Variants in MAF observed in about 807,000 individuals in gnomAD.
The protein encoded by MAF is MAF bZIP transcription factor.
A neutral mutation model predicts 22.0 loss-of-function variants in MAF; 10 were observed. That is an observed-to-expected ratio of 0.45 (90% CI 0.28 to 0.77). The LOEUF (loss-of-function observed/expected upper bound fraction) is 0.77, where lower values mean the gene tolerates loss of function less well. Among genes scored for constraint, MAF ranks in the 30% least tolerant of loss-of-function variants. MAF has a pLI of 0.12. For missense variants in MAF, 544 were observed against 548.4 expected (o/e 0.99, Z 0.08); for synonymous variants, 337 against 255.8 (o/e 1.32, Z -3.03).
At chr16:79,497,077 G>C in the MAF span, among the ~76,000 whole-genome samples, 7 of 152,228 alleles carry the variant, frequency 4.6e-5, no homozygotes, top group African/African-American at 1.4e-4. Context: ...ACTCTCTTAA[G>C]TCATTTAGTG....
chr16:79,352,050 A>C, the MAF span, among the ~76,000 whole-genome samples: 1 of 152,162 alleles, frequency 6.6e-6, no homozygotes, highest in Non-Finnish European at 1.5e-5. Context: ...TGGGCTGCCC[A>C]GAAAGGATCT....
chr16:79,579,177 T>G, the MAF span, among the ~76,000 whole-genome samples: 3 of 152,206 alleles, frequency 2.0e-5, no homozygotes, highest in Non-Finnish European at 4.4e-5. Context: ...GACTCTTTGA[T>G]GCAAAAATAA....
the MAF span, among the ~76,000 whole-genome samples, chr16:79,537,755 A>G: frequency 0.82 from 124,284 of 152,080 alleles, 51,310 homozygotes; most frequent in Non-Finnish European, 0.88. Context: ...CTGGGTGCCA[A>G]TGAGACAGCT....
At chr16:79,517,458 AAAC>A in the MAF span, among the ~76,000 whole-genome samples, 41 of 152,346 alleles carry the variant, frequency 2.7e-4, 1 homozygote, top group East Asian at 7.5e-3. Flanking sequence ...TCAATAATTT[AAAC>A]AACAAATAAA....
the MAF span, among the ~76,000 whole-genome samples, chr16:79,314,381 C>T: frequency 0.15 from 22,097 of 152,086 alleles, 2,179 homozygotes; most frequent in East Asian, 0.34. Flanking sequence ...ATGGCTGAAA[C>T]GCTCCCAGGG....
chr16:79,445,901 A>G, the MAF span, among the ~76,000 whole-genome samples: 69 of 152,276 alleles, frequency 4.5e-4, no homozygotes, highest in Admixed American at 2.1e-3. Flanking sequence ...CATTCTTTTG[A>G]GCAGACCATC....
At chr16:79,291,413 T>A in the MAF span, among the ~76,000 whole-genome samples, 2 of 152,128 alleles carry the variant, frequency 1.3e-5, no homozygotes, top group East Asian at 1.9e-4. Flanking sequence ...TCTGCCCAGA[T>A]CTCCTGCTTT....
chr16:79,364,562 A>G, the MAF span, among the ~76,000 whole-genome samples: 1 of 152,200 alleles, frequency 6.6e-6, no homozygotes, highest in South Asian at 2.1e-4. Flanking sequence ...ACACACATCA[A>G]ACATGGTCCC....
At chr16:79,352,623 A>G in the MAF span, among the ~76,000 whole-genome samples, 1 of 152,232 alleles carries the variant, frequency 6.6e-6, no homozygotes, top group Admixed American at 6.5e-5. Flanking sequence ...TGAAGAACCA[A>G]TGCCCAAGAA....
At chr16:79,598,498 A>C in intron 1 of MAF, 22 of 1,324,932 alleles carry the variant, frequency 1.7e-5, no homozygotes, top group Admixed American at 3.2e-5. Context: ...GGAGAATTTC[A>C]GATTGGCAAT....
At chr16:79,295,871 G>A in the MAF span, among the ~76,000 whole-genome samples, 1 of 152,206 alleles carries the variant, frequency 6.6e-6, no homozygotes, top group African/African-American at 2.4e-5. Flanking sequence ...CTGAAGCCAC[G>A]TTCTTTGCCC....
chr16:79,504,209 A>G, the MAF span, among the ~76,000 whole-genome samples: 2 of 152,208 alleles, frequency 1.3e-5, no homozygotes, highest in African/African-American at 2.4e-5. Flanking sequence ...ATTTGAAACC[A>G]TTTTTAGAAA....
chr16:79,422,164 G>T, the MAF span, among the ~76,000 whole-genome samples: 1 of 152,134 alleles, frequency 6.6e-6, no homozygotes, highest in Admixed American at 6.5e-5. Context: ...GAAAAATGAA[G>T]CCTGAGCTGA....
At chr16:79,535,589 T>C in the MAF span, among the ~76,000 whole-genome samples, 3 of 147,570 alleles carry the variant, frequency 2.0e-5, no homozygotes, top group African/African-American at 5.0e-5. Flanking sequence ...GCTTCTTCTT[T>C]TTTTTTTTTT....
the MAF span, among the ~76,000 whole-genome samples, chr16:79,314,535 G>C: frequency 3.9e-5 from 6 of 152,200 alleles, no homozygotes; most frequent in African/African-American, 4.8e-5. Flanking sequence ...ACATGGAGGG[G>C]AGAGCAGAGG....
the MAF span, among the ~76,000 whole-genome samples, chr16:79,311,839 G>T: frequency 6.6e-6 from 1 of 152,164 alleles, no homozygotes; most frequent in Non-Finnish European, 1.5e-5. Context: ...GGGCATGAAG[G>T]ACGGAGTGAA....
chr16:79,403,613 G>A, the MAF span, among the ~76,000 whole-genome samples: 1 of 152,146 alleles, frequency 6.6e-6, no homozygotes, highest in Non-Finnish European at 1.5e-5. Flanking sequence ...GGCCTTGCCT[G>A]ACCCACGAGG....
chr16:79,336,180 A>G, the MAF span, among the ~76,000 whole-genome samples: 139 of 152,358 alleles, frequency 9.1e-4, no homozygotes, highest in Middle Eastern at 3.4e-3. Flanking sequence ...TGTCTCATCT[A>G]AAAGTGAGAA....
At chr16:79,347,530 C>T in the MAF span, among the ~76,000 whole-genome samples, 4 of 152,350 alleles carry the variant, frequency 2.6e-5, no homozygotes, top group East Asian at 5.8e-4. Context: ...TTCTCTGACA[C>T]GGCTCCCAGC....
Sources: gnomAD v4.1 joint callset for allele counts (sites outside exome capture counted in the v4.1 genomes callset) on GRCh38, gnomAD v4.1.1 for gene constraint, MANE v1.5 for transcripts, NCBI Gene and HGNC (gene_info 2026-07-23, HGNC 2026-07-21) for gene names.